The following BAD variants were observed in gnomAD, a reference collection of about 807,000 sequenced individuals.
The protein encoded by BAD is bcl2-associated agonist of cell death.
A neutral mutation model predicts 17.8 loss-of-function variants in BAD; 18 were observed. That is an observed-to-expected ratio of 1.01 (90% CI 0.70 to 1.50). The LOEUF (loss-of-function observed/expected upper bound fraction) is 1.50. Among genes scored for constraint, BAD ranks in the 40% most tolerant of loss-of-function variants. The pLI is 0.00. For synonymous variants in BAD, 112 were observed against 91.5 expected, an observed-to-expected ratio of 1.22 and a Z score of -1.28; for missense variants, 294 against 239.3, an observed-to-expected ratio of 1.23 and a Z score of -1.51.
intron 2 of BAD, chr11:64,277,095 C>A: frequency 1.5e-6 from 1 of 670,606 alleles, no homozygotes; most frequent in Non-Finnish European, 2.8e-6. Flanking sequence ...GACACTTGCA[C>A]ACTGAATTGC....
intron 2 of BAD, among the ~76,000 whole-genome samples, chr11:64,281,952 C>T (rs1361814888): frequency 6.6e-6 from 1 of 152,210 alleles, no homozygotes; most frequent in Non-Finnish European, 1.5e-5. Context: ...ATCTCTTCAC[C>T]TTGTGATACG....
At chr11:64,273,855 CAAA>C (rs34577596) in intron 2 of BAD, among the ~76,000 whole-genome samples, 2 of 54,836 alleles carry the variant, frequency 3.6e-5, no homozygotes, top group East Asian at 6.7e-4. Flanking sequence ...GCACCCATCT[CAAA>C]AAAAAAAAAA....
Position 64,270,241 on chromosome 11 carries a change from A to G in BAD, c.475T>C (p.Leu159=), listed in dbSNP as rs768969918. The part of the protein sequence containing the change: ...RVFQSWWDRN[L]GRGSSAPSQ ...GAGGGGGCGGAGCTTCCCCTGCCCA[A>G]GTTCCGATCCCACCAGGACTGGAAG... The change falls in exon 4 of 4, where the codon TTG becomes CTG. Residue 159 remains leucine (L), a synonymous_variant. Transcript: ENST00000309032. 4 of 1,612,122 alleles carry G rather than the reference A, an allele frequency of 2.5e-6. No homozygotes were observed. In the South Asian group the frequency reaches 3.3e-5, roughly 13 times the overall value.
Position 64,271,567 on chromosome 11 carries a change from G to A in BAD, c.378+46C>T, listed in dbSNP as rs1412750359. The A allele has an allele frequency of 2.8e-5, 38 of 1,366,756 alleles. No homozygotes were observed. In the East Asian group the frequency reaches 1.1e-3, roughly 38 times the overall value. The allele number at this position is 1,366,756 out of a possible 1,614,324, so 84.7% of individuals were successfully genotyped here. On this transcript the variant is annotated intron_variant, in intron 3 of 3. Coordinates refer to ENST00000309032, the MANE Select transcript of BAD (RefSeq NM_032989.3). The stretch of plus-strand genomic sequence containing the variant: ...CAAGGCAGGGACAGACCGGCGGGGG[G>A]CGGCCTGGTACTTCAGGTCCTGGCA...
intron 2 of BAD, among the ~76,000 whole-genome samples, chr11:64,282,752 G>A (rs540267457): frequency 2.6e-5 from 4 of 151,006 alleles, no homozygotes; most frequent in East Asian, 3.9e-4. Flanking sequence ...GGTGACACGC[G>A]CCTGTAGTCC....
At position 64,270,256 on chromosome 11, in the gene BAD, A is replaced by T. The variant is rs928621016; in HGVS notation, c.460T>A (p.Trp154Arg). 1 of 1,598,288 alleles carries T rather than the reference A, an allele frequency of 6.3e-7. No homozygotes were observed. Among genetic ancestry groups the T allele is most frequent in the Non-Finnish European group, 8.6e-7 (1 of 1,168,306 alleles). ...SSSWTRVFQS[W>R]WDRNLGRGSS... Reference sequence around the variant, plus strand: ...CCCCTGCCCAAGTTCCGATCCCACCAGGACTGGAAGACTCGCGTCCAGCTG... The same window carrying T: ...CCCCTGCCCAAGTTCCGATCCCACCTGGACTGGAAGACTCGCGTCCAGCTG... The change falls in exon 4 of 4, where the codon TGG (tryptophan) becomes AGG (arginine). Residue 154 changes from tryptophan (W) to arginine (R), a missense_variant. Coordinates refer to ENST00000309032, the MANE Select transcript of BAD (RefSeq NM_032989.3).
At chr11:64,273,318 A>T (rs1422515651) in intron 2 of BAD, among the ~76,000 whole-genome samples, 2 of 152,198 alleles carry the variant, frequency 1.3e-5, no homozygotes, top group Admixed American at 6.5e-5. Context: ...GGTTGCAGTG[A>T]GCCGAGATTG....
At chr11:64,281,630 C>T (rs2033477852) in intron 2 of BAD, among the ~76,000 whole-genome samples, 1 of 152,262 alleles carries the variant, frequency 6.6e-6, no homozygotes, top group African/African-American at 2.4e-5. Flanking sequence ...TTCCCATCAT[C>T]CCTGTGGCCT....
intron 2 of BAD, among the ~76,000 whole-genome samples, chr11:64,281,454 T>C (rs1160940115): frequency 3.3e-5 from 5 of 152,244 alleles, no homozygotes; most frequent in Non-Finnish European, 7.3e-5. Flanking sequence ...GCTCAAATCC[T>C]TTCCAGGTTT....
At position 64,269,889 on chromosome 11, in the gene BAD, C is replaced by T. The variant is rs574648805; in HGVS notation, c.*320G>A. 6 of 698,976 alleles carry T rather than the reference C, an allele frequency of 8.6e-6. No homozygotes were observed. The highest frequency in any genetic ancestry group is 7.0e-5 in the African/African-American group (4 of 57,212). 43.3% of individuals were successfully genotyped at this position (698,976 alleles called of 1,614,324 possible). A position where few individuals can be genotyped will look rare whatever the true frequency, so the allele number is the denominator to read the frequency against. On this transcript the variant is annotated 3_prime_UTR_variant, in exon 4 of 4. Transcript: ENST00000309032. ...AGTGAGCACGGCCCCCAGGGCATCGCGGGGGCTCGGGTCCCGGTGACGCAA... is the reference window on the plus strand; with the variant it reads ...AGTGAGCACGGCCCCCAGGGCATCGTGGGGGCTCGGGTCCCGGTGACGCAA...
At position 64,269,916 on chromosome 11, in the gene BAD, G is replaced by A. The variant is rs772535203; in HGVS notation, c.*293C>T. On this transcript the variant is annotated 3_prime_UTR_variant, in exon 4 of 4. Coordinates refer to ENST00000309032, the MANE Select transcript of BAD (RefSeq NM_032989.3). ...GGGGCTCGGGTCCCGGTGACGCAAC[G>A]GTTAAACCTGGCTCGCGACTTAGCG... 16 of 704,902 alleles carry A rather than the reference G, an allele frequency of 2.3e-5. No homozygotes were observed. The highest frequency in any genetic ancestry group is 5.2e-5 in the African/African-American group (3 of 57,226). The allele number at this position is 704,902 out of a possible 1,614,324, so 43.7% of individuals were successfully genotyped here. A position where few individuals can be genotyped will look rare whatever the true frequency, so the allele number is the denominator to read the frequency against.
chr11:64,284,615 G>A lies in BAD; in HGVS notation c.-9+16C>T, dbSNP rs568391428. ...CAGGCCCCGCCCCGCCCGTGGTGAC[G>A]GCGCACAGGTCTCACCCCAAGCCCG... On this transcript the variant is annotated intron_variant, in intron 1 of 3. Coordinates refer to ENST00000309032, the MANE Select transcript of BAD (RefSeq NM_032989.3). The A allele has an allele frequency of 1.9e-5, 28 of 1,503,584 alleles. No individual in the cohort carries two copies. In the South Asian group the frequency reaches 3.1e-4, roughly 17 times the overall value. 93.1% of individuals were successfully genotyped at this position (1,503,584 alleles called of 1,614,324 possible). A position where few individuals can be genotyped will look rare whatever the true frequency, so the allele number is the denominator to read the frequency against.
Position 64,270,535 on chromosome 11 carries a change from C to G in BAD, c.379-198G>C, listed in dbSNP as rs568052446. 28 of 759,002 alleles carry G rather than the reference C, an allele frequency of 3.7e-5. No homozygotes were observed. In the East Asian group the frequency reaches 7.0e-4, roughly 19 times the overall value. The allele number at this position is 759,002 out of a possible 1,614,324, so 47.0% of individuals were successfully genotyped here. On this transcript the variant is annotated intron_variant, in intron 3 of 3. Transcript: ENST00000309032. ...CCCCAGGAATGGGAACTGGTTAGAT[C>G]CCAGGAACTCCGTGCCGGAGACGGG...
intron 3 of BAD, chr11:64,270,662 G>A (rs2032438253): frequency 1.7e-6 from 1 of 579,912 alleles, no homozygotes; most frequent in Non-Finnish European, 3.3e-6. Context: ...GGGAGCGATG[G>A]TGAGCGCCTG....
At chr11:64,275,310 G>A (rs1307536432) in intron 2 of BAD, among the ~76,000 whole-genome samples, 1 of 152,172 alleles carries the variant, frequency 6.6e-6, no homozygotes, top group Non-Finnish European at 1.5e-5. Context: ...GGGCACTGAC[G>A]GAACAGGCCT....
intron 3 of BAD, 99 bp downstream of exon 3, chr11:64,271,514 G>A: frequency 8.1e-7 from 1 of 1,234,764 alleles, no homozygotes; most frequent in Non-Finnish European, 1.0e-6. Context: ...AGGGGTCGTG[G>A]GACTCCAGAT....
intron 2 of BAD, among the ~76,000 whole-genome samples, chr11:64,280,010 C>A (rs1192123078): frequency 1.3e-5 from 2 of 151,870 alleles, no homozygotes; most frequent in Non-Finnish European, 2.9e-5. Flanking sequence ...ATAGCAAGAC[C>A]TTGTCTCTAA....
intron 2 of BAD, among the ~76,000 whole-genome samples, chr11:64,277,273 A>T (rs1591157479): frequency 6.6e-6 from 1 of 152,040 alleles, no homozygotes; most frequent in South Asian, 2.1e-4. Context: ...CTGCCACCCC[A>T]CCCTGGGCAG....
At chr11:64,274,494 C>G (rs968228366) in intron 2 of BAD, among the ~76,000 whole-genome samples, 2 of 152,022 alleles carry the variant, frequency 1.3e-5, no homozygotes, top group African/African-American at 4.8e-5. Flanking sequence ...CGAGATCAGC[C>G]TGACCCAACA....
Sources: gnomAD v4.1 joint callset for allele counts (sites outside exome capture counted in the v4.1 genomes callset) on GRCh38, gnomAD v4.1.1 for gene constraint, MANE v1.5 for transcripts, NCBI Gene and HGNC (gene_info 2026-07-23, HGNC 2026-07-21) for gene names.